Variants in RIC8B observed in about 807,000 individuals in gnomAD.
RIC8B encodes the protein chaperone Ric-8B.
RIC8B carries 16 observed loss-of-function variants against 57.5 expected under a neutral mutation model. The ratio of observed to expected loss-of-function variants is 0.28; its 90% confidence interval spans 0.19 to 0.42. The LOEUF is 0.42. Among genes scored for constraint, RIC8B ranks in the 10% least tolerant of loss-of-function variants. RIC8B has a pLI of 1.00. For synonymous variants in RIC8B, 216 were observed against 250.8 expected (o/e 0.86, Z 1.31); for missense variants, 481 against 677.0 (o/e 0.71, Z 3.21).
chr12:106,815,302 G>A lies in RIC8B; in HGVS notation c.739G>A (p.Glu247Lys), dbSNP rs1344926427. 1 of 1,605,774 alleles carries A rather than the reference G, an allele frequency of 6.2e-7. No homozygotes were observed. The highest frequency in any genetic ancestry group is 8.5e-7 in the Non-Finnish European group (1 of 1,176,408). ...VTVDSWKVHKESDSHQFRVMA... is the reference protein window; with the variant it reads ...VTVDSWKVHKKSDSHQFRVMA... ...GGTAGACAGTTGGAAGGTGCATAAAGAGGTAAGGTAGAGAAGGCTATTTTT... is the reference window on the plus strand; with the variant it reads ...GGTAGACAGTTGGAAGGTGCATAAAAAGGTAAGGTAGAGAAGGCTATTTTT... Residue 247 changes from glutamate to lysine, a missense_variant and splice_region_variant, in exon 3 of 10, where the codon GAG (glutamate) becomes AAG (lysine). By Grantham distance (56) the Glu-to-Lys change is moderately conservative. This residue lies in a region of RIC8B where 421 missense variants were observed against 560.9 expected (regional missense o/e 0.75). Transcript: ENST00000392837.
chr12:106,797,861 G>A (rs897604737), intron 2 of RIC8B: 3 of 436,116 alleles, frequency 6.9e-6, no homozygotes, highest in Non-Finnish European at 1.2e-5. Context: ...GCCATGATTC[G>A]AGCTTAGGCA....
chr12:106,836,230 G>A (rs894321725), intron 4 of RIC8B, among the ~76,000 whole-genome samples: 9 of 152,070 alleles, frequency 5.9e-5, no homozygotes, highest in Non-Finnish European at 8.8e-5. Context: ...ATGATTGATC[G>A]AGTGCTCCAG....
rs933920620 is a variant in RIC8B at position 106,879,034 on chromosome 12, G to A, written c.1572-6870G>A. 22 of 985,562 alleles carry A rather than the reference G, an allele frequency of 2.2e-5. No homozygotes were observed. The highest frequency in any genetic ancestry group is 2.5e-5 in the Non-Finnish European group (21 of 829,898). 61.1% of individuals were successfully genotyped at this position (985,562 alleles called of 1,614,324 possible). On this transcript the variant is annotated intron_variant, in intron 9 of 9. Transcript: ENST00000392837. The surrounding 1 kb of genome is among the most constrained non-coding windows in gnomAD (Gnocchi z 4.9). ...TCAATACTGCCCTGTAGTACACAGA[G>A]CAGACAAGAAAGAAGAGCCCTTGAA...
chr12:106,836,834 A>G (rs1277353950), intron 4 of RIC8B, among the ~76,000 whole-genome samples: 4 of 152,112 alleles, frequency 2.6e-5, no homozygotes. Flanking sequence ...TACAAGACCA[A>G]TCTGGTCTTC....
chr12:106,786,508 T>A (rs1442110556), intron 2 of RIC8B, among the ~76,000 whole-genome samples: 1 of 152,104 alleles, frequency 6.6e-6, no homozygotes, highest in African/African-American at 2.4e-5. Flanking sequence ...CTGATGGGAG[T>A]GCAAAATGGC....
chr12:106,860,518 A>C, intron 8 of RIC8B, 106 bp downstream of exon 8: 1 of 932,458 alleles, frequency 1.1e-6, no homozygotes, highest in Admixed American at 3.9e-5. Context: ...TGGATTTGGA[A>C]ACTTTCCATT....
intron 3 of RIC8B, among the ~76,000 whole-genome samples, chr12:106,825,194 CTT>C (rs1402057640): frequency 6.6e-6 from 1 of 152,178 alleles, no homozygotes; most frequent in East Asian, 1.9e-4. Flanking sequence ...CCCTGTGTCT[CTT>C]TAATACCACT....
In RIC8B at chr12:106,852,555, A is replaced by G. The variant is rs988698582; in HGVS notation, c.1306+961A>G. ...TGGTGATTATGAATTGAGAGGTATC[A>G]TGTGCCTGACATTCTATGTATAATC... On this transcript the variant is annotated intron_variant, in intron 7 of 9. Coordinates refer to ENST00000392837, the MANE Select transcript of RIC8B (RefSeq NM_001330145.2). 1.3e-4 allele frequency among the ~76,000 whole-genome samples: 20 copies of G among 152,366 alleles called. 1 individual carries two copies. The highest frequency in any genetic ancestry group is 2.5e-4 in the Non-Finnish European group (17 of 68,032).
At chr12:106,860,477 C>A in intron 8 of RIC8B, 65 bp downstream of exon 8, 3 of 1,191,662 alleles carry the variant, frequency 2.5e-6, no homozygotes, top group Non-Finnish European at 3.3e-6. Context: ...TTTCCTTTGT[C>A]TTTCATTTTC....
At chr12:106,784,911 C>T (rs191460103) in intron 2 of RIC8B, among the ~76,000 whole-genome samples, 46 of 152,328 alleles carry the variant, frequency 3.0e-4, no homozygotes, top group African/African-American at 1.1e-3. Context: ...CCATTTTCTC[C>T]TTAACCTCTG....
intron 4 of RIC8B, among the ~76,000 whole-genome samples, chr12:106,828,670 A>G (rs2046220728): frequency 1.3e-5 from 2 of 152,256 alleles, no homozygotes; most frequent in African/African-American, 4.8e-5. Flanking sequence ...GAAAATACTC[A>G]GTAAATGGCA....
chr12:106,802,463 CTATT>C (rs2044776211), intron 2 of RIC8B, among the ~76,000 whole-genome samples: 2 of 147,944 alleles, frequency 1.4e-5, no homozygotes, highest in African/African-American at 5.0e-5. Flanking sequence ...ATTCTATTAT[CTATT>C]CTATTTTTTT....
intron 2 of RIC8B, among the ~76,000 whole-genome samples, chr12:106,795,238 A>G (rs1593115230): frequency 6.6e-6 from 1 of 152,212 alleles, no homozygotes; most frequent in Non-Finnish European, 1.5e-5. Flanking sequence ...CAATAATACT[A>G]TAGAAAAAGG....
intron 7 of RIC8B, among the ~76,000 whole-genome samples, chr12:106,853,883 T>C (rs150799552): frequency 3.3e-5 from 5 of 152,218 alleles, no homozygotes; most frequent in Non-Finnish European, 5.9e-5. Context: ...TACAGAGATA[T>C]ATAAGATAAA....
intron 9 of RIC8B, among the ~76,000 whole-genome samples, chr12:106,875,517 G>A (rs1950621449): frequency 6.6e-6 from 1 of 152,090 alleles, no homozygotes; most frequent in Admixed American, 6.6e-5. Flanking sequence ...GCATTGACTG[G>A]CTTAAGCTTA....
At chr12:106,847,938 C>T (rs1201500008) in intron 6 of RIC8B, among the ~76,000 whole-genome samples, 1 of 152,136 alleles carries the variant, frequency 6.6e-6, no homozygotes, top group East Asian at 1.9e-4. Context: ...ACAAAGAAAT[C>T]TCTGCCCCAG....
At chr12:106,782,016 T>C (rs1246812442) in intron 1 of RIC8B, among the ~76,000 whole-genome samples, 1 of 151,998 alleles carries the variant, frequency 6.6e-6, no homozygotes, top group African/African-American at 2.4e-5. Context: ...CTCTCCTCCT[T>C]CTTTCTTTTT....
intron 2 of RIC8B, among the ~76,000 whole-genome samples, chr12:106,806,874 A>T (rs983056690): frequency 2.6e-5 from 4 of 152,212 alleles, no homozygotes; most frequent in African/African-American, 9.7e-5. Flanking sequence ...TATAGAAAGC[A>T]TAGATAACCC....
intron 8 of RIC8B, among the ~76,000 whole-genome samples, chr12:106,870,532 G>A (rs561096910): frequency 8.6e-5 from 13 of 151,094 alleles, no homozygotes; most frequent in East Asian, 1.9e-4. Flanking sequence ...ATATCCTAAC[G>A]GCACTAATCA....
Sources: gnomAD v4.1 joint callset for allele counts (sites outside exome capture counted in the v4.1 genomes callset) on GRCh38, gnomAD v4.1.1 for gene constraint, gnomAD v4.1.1 regional missense constraint, Gnocchi (gnomAD v3.1) non-coding constraint, MANE v1.5 for transcripts, NCBI Gene and HGNC (gene_info 2026-07-23, HGNC 2026-07-21) for gene names.